The following PRKG1 variants were observed in gnomAD, a reference collection of about 807,000 sequenced individuals.
PRKG1 encodes cGMP-dependent protein kinase 1.
PRKG1 carries 35 observed loss-of-function variants against 88.1 expected under a neutral mutation model. The observed-to-expected ratio is 0.40, with a 90% CI of 0.30 to 0.53. PRKG1 has a LOEUF of 0.53. Among genes scored for constraint, PRKG1 ranks in the 20% least tolerant of loss-of-function variants. The pLI, the probability that PRKG1 is intolerant of heterozygous loss-of-function variation, is 0.59. For synonymous variants in PRKG1, 303 were observed against 292.5 expected, an observed-to-expected ratio of 1.04 and a Z score of -0.37; for missense variants, 540 against 839.8, an observed-to-expected ratio of 0.64 and a Z score of 4.41.
intron 3 of PRKG1, among the ~76,000 whole-genome samples, chr10:51,773,940 A>G (rs914851189): frequency 2.6e-5 from 4 of 152,126 alleles, no homozygotes; most frequent in Non-Finnish European, 4.4e-5. Flanking sequence ...AAGAATTTCT[A>G]TATTAGTAAG....
intron 9 of PRKG1, among the ~76,000 whole-genome samples, chr10:52,216,375 C>T (rs1005942646): frequency 2.0e-5 from 3 of 152,090 alleles, no homozygotes; most frequent in Admixed American, 6.6e-5. Flanking sequence ...AGATAGCTAC[C>T]GGAATGCCAG....
intron 3 of PRKG1, among the ~76,000 whole-genome samples, chr10:51,791,108 T>C (rs1838859565): frequency 6.6e-6 from 1 of 152,116 alleles, no homozygotes; most frequent in Non-Finnish European, 1.5e-5. Flanking sequence ...AGAAACACTA[T>C]CTGGTCGATT....
intron 4 of PRKG1, among the ~76,000 whole-genome samples, chr10:51,892,346 C>G (rs2132909932): frequency 6.6e-6 from 1 of 152,128 alleles, no homozygotes; most frequent in South Asian, 2.1e-4. Flanking sequence ...ATGTGGAATA[C>G]CCATTAATGT....
At chr10:51,007,048 C>T (rs988794058) in intron 1 of PRKG1, among the ~76,000 whole-genome samples, 1 of 151,400 alleles carries the variant, frequency 6.6e-6, no homozygotes, top group Non-Finnish European at 1.5e-5. Context: ...AAGCGATTCT[C>T]CTGCCTCCGC....
intron 2 of PRKG1, among the ~76,000 whole-genome samples, chr10:51,314,526 T>C (rs1434535776): frequency 6.6e-6 from 1 of 152,204 alleles, no homozygotes; most frequent in Non-Finnish European, 1.5e-5. Flanking sequence ...GTAACAATTA[T>C]GTGGATGATG....
At chr10:51,638,326 A>G (rs1483160825) in intron 3 of PRKG1, among the ~76,000 whole-genome samples, 2 of 152,196 alleles carry the variant, frequency 1.3e-5, no homozygotes, top group African/African-American at 4.8e-5. Context: ...ACACACTCCA[A>G]GCAATTCTCA....
At chr10:51,104,510 A>G (rs1844771276) in intron 1 of PRKG1, among the ~76,000 whole-genome samples, 1 of 152,030 alleles carries the variant, frequency 6.6e-6, no homozygotes, top group African/African-American at 2.4e-5. Context: ...ATGCTTCTGA[A>G]TAAAGCTGCA....
At chr10:51,658,902 C>T (rs1216394534) in intron 3 of PRKG1, among the ~76,000 whole-genome samples, 1 of 151,952 alleles carries the variant, frequency 6.6e-6, no homozygotes, top group Non-Finnish European at 1.5e-5. Flanking sequence ...TGCCCAAATC[C>T]TTTCTACTTT....
intron 2 of PRKG1, among the ~76,000 whole-genome samples, chr10:51,348,702 C>T (rs1374760472): frequency 6.6e-6 from 1 of 152,192 alleles, no homozygotes; most frequent in African/African-American, 2.4e-5. Flanking sequence ...ACCTTGGTCT[C>T]ATTTCTTGCA....
At chr10:51,248,351 T>G (rs1415834515) in intron 2 of PRKG1, among the ~76,000 whole-genome samples, 1 of 151,868 alleles carries the variant, frequency 6.6e-6, no homozygotes, top group African/African-American at 2.4e-5. Flanking sequence ...TATCAAAATA[T>G]TGGTAATATT....
At chr10:51,562,633 A>G (rs934072714) in intron 3 of PRKG1, among the ~76,000 whole-genome samples, 2 of 152,124 alleles carry the variant, frequency 1.3e-5, no homozygotes, top group Admixed American at 6.6e-5. Flanking sequence ...TTTGATTACT[A>G]TAATTTCTGT....
intron 2 of PRKG1, among the ~76,000 whole-genome samples, chr10:51,317,767 C>G (rs1227113134): frequency 2.0e-5 from 3 of 152,320 alleles, no homozygotes; most frequent in East Asian, 3.9e-4. Context: ...ACTTAACAAT[C>G]CATCAGTGCC....
intron 5 of PRKG1, among the ~76,000 whole-genome samples, chr10:52,034,197 G>A (rs1179475815): frequency 6.6e-6 from 1 of 151,998 alleles, no homozygotes; most frequent in Admixed American, 6.6e-5. Context: ...CTTGGGCTCA[G>A]AGGCCTGACA....
chr10:52,011,256 A>G (rs766397416), intron 5 of PRKG1, among the ~76,000 whole-genome samples: 1 of 152,096 alleles, frequency 6.6e-6, no homozygotes, highest in Non-Finnish European at 1.5e-5. Context: ...TCATTTTTTT[A>G]TGCTACATAG....
chr10:52,006,008 C>A (rs1844725306), intron 5 of PRKG1, among the ~76,000 whole-genome samples: 1 of 151,538 alleles, frequency 6.6e-6, no homozygotes, highest in African/African-American at 2.4e-5. Context: ...AGCAAACTAG[C>A]ATCAAAGCCA....
At chr10:52,287,901 A>G (rs1338134802) in intron 14 of PRKG1, among the ~76,000 whole-genome samples, 1 of 152,008 alleles carries the variant, frequency 6.6e-6, no homozygotes, top group Non-Finnish European at 1.5e-5. Flanking sequence ...CATGCTGCAA[A>G]CTCTACTCAA....
At chr10:51,922,207 T>A (rs1482450055) in intron 5 of PRKG1, among the ~76,000 whole-genome samples, 2 of 151,690 alleles carry the variant, frequency 1.3e-5, no homozygotes, top group African/African-American at 2.4e-5. Context: ...AATTTTTTTT[T>A]ATTTTTTGTT....
chr10:51,588,283 A>G (rs533555563), intron 3 of PRKG1, among the ~76,000 whole-genome samples: 1 of 152,286 alleles, frequency 6.6e-6, no homozygotes, highest in East Asian at 1.9e-4. Flanking sequence ...TACCTTTGAC[A>G]TGATCGTATC....
At chr10:51,324,866 G>A (rs188768410) in intron 2 of PRKG1, among the ~76,000 whole-genome samples, 1 of 152,338 alleles carries the variant, frequency 6.6e-6, no homozygotes, top group East Asian at 1.9e-4. Flanking sequence ...TGGGAGTGCA[G>A]ATATCACGTT....
Sources: allele counts gnomAD v4.1 joint callset (sites outside exome capture counted in the v4.1 genomes callset), GRCh38; gene constraint gnomAD v4.1.1; transcripts MANE v1.5; gene names NCBI Gene and HGNC (gene_info 2026-07-23, HGNC 2026-07-21).